FAM83B: variants seen among roughly 807,000 people sequenced by gnomAD.
FAM83B encodes scaffolding CK1 anchoring protein B.
A neutral mutation model predicts 38.8 loss-of-function variants in FAM83B; 26 were observed. The observed-to-expected ratio is 0.67, with a 90% confidence interval of 0.49 to 0.93. FAM83B has a LOEUF of 0.93. Ranked by LOEUF, FAM83B falls within the 40% of genes least tolerant of loss-of-function variation. The probability of loss-of-function intolerance (pLI) is 0.00; values close to 1 mark genes in which losing one functional copy is unlikely to be tolerated. For synonymous variants in FAM83B, 419 were observed against 423.1 expected, an observed-to-expected ratio of 0.99 and a Z score of 0.12; for missense variants, 1,237 against 1,197.3, an observed-to-expected ratio of 1.03 and a Z score of -0.49.
rs537383276 is a variant in FAM83B, at chr6:54,852,283, C to T, written c.-61+5457C>T. Among the ~76,000 whole-genome samples the T allele has an allele frequency of 3.9e-5, 6 of 152,312 alleles. No homozygotes were observed. In the South Asian group the frequency reaches 1.2e-3, roughly 32 times the overall value. ...AGCAAGTCTGTCAGTGCCATTTTTC[C>T]AACAGCACATGCTCACTTTGTGTCT... On this transcript the variant is annotated intron_variant, in intron 1 of 4. Coordinates refer to ENST00000306858, the MANE Select transcript of FAM83B (RefSeq NM_001010872.3).
intron 2 of FAM83B, among the ~76,000 whole-genome samples, chr6:54,876,788 C>A (rs1205569112): frequency 6.6e-6 from 1 of 151,842 alleles, no homozygotes; most frequent in African/African-American, 2.4e-5. Context: ...TGTGTATAGT[C>A]CTCTGAGCTT....
At chr6:54,861,098 T>G (rs1771571705) in intron 1 of FAM83B, among the ~76,000 whole-genome samples, 1 of 152,224 alleles carries the variant, frequency 6.6e-6, no homozygotes, top group Non-Finnish European at 1.5e-5. Context: ...TTAAAATTTA[T>G]TTTTTAGTAG....
chr6:54,880,162 A>G (rs1030014125), intron 2 of FAM83B, among the ~76,000 whole-genome samples: 2 of 152,234 alleles, frequency 1.3e-5, no homozygotes, highest in African/African-American at 4.8e-5. Context: ...GGAAAAGCCC[A>G]CTTCAAGTGA....
At chr6:54,916,692 C>T (rs1773047177) in intron 2 of FAM83B, among the ~76,000 whole-genome samples, 1 of 152,114 alleles carries the variant, frequency 6.6e-6, no homozygotes, top group Non-Finnish European at 1.5e-5. Context: ...ACCAAATATA[C>T]CTAGCCAATA....
chr6:54,933,951 C>T (rs1773476721), intron 4 of FAM83B, among the ~76,000 whole-genome samples: 1 of 152,046 alleles, frequency 6.6e-6, no homozygotes, highest in African/African-American at 2.4e-5. Context: ...CATGCTGTAC[C>T]ATATGGGGGA....
chr6:54,901,274 CAG>C (rs778114088), intron 2 of FAM83B, among the ~76,000 whole-genome samples: 1 of 152,090 alleles, frequency 6.6e-6, no homozygotes, highest in Non-Finnish European at 1.5e-5. Flanking sequence ...TCCAGTGGGA[CAG>C]GGGAATTTGG....
chr6:54,866,272 TTGAGA>T (rs1337257728), intron 1 of FAM83B, among the ~76,000 whole-genome samples: 1 of 152,000 alleles, frequency 6.6e-6, no homozygotes, highest in Non-Finnish European at 1.5e-5. Context: ...ACTTTTTATT[TTGAGA>T]TAATTGTGGT....
At chr6:54,868,193 G>A (rs1771763898) in intron 1 of FAM83B, among the ~76,000 whole-genome samples, 1 of 152,160 alleles carries the variant, frequency 6.6e-6, no homozygotes, top group South Asian at 2.1e-4. Context: ...GCAACTTTAT[G>A]AAGATTTGTC....
At chr6:54,930,946 G>A (rs900592441) in intron 4 of FAM83B, among the ~76,000 whole-genome samples, 5 of 151,906 alleles carry the variant, frequency 3.3e-5, no homozygotes, top group African/African-American at 9.7e-5. Flanking sequence ...ACCTATAAAC[G>A]TCCCTCTTAA....
At chr6:54,926,667 T>C (rs1471109762) in intron 3 of FAM83B, 132 bp downstream of exon 3, 15 of 620,914 alleles carry the variant, frequency 2.4e-5, no homozygotes, top group Non-Finnish European at 3.4e-5. Flanking sequence ...GGTTATGGAA[T>C]GATTGATCAC....
In FAM83B at chr6:54,940,703, A is replaced by G. The variant is rs772700095; in HGVS notation, c.1732A>G (p.Lys578Glu). The G allele has an allele frequency of 4.3e-6, 7 of 1,613,900 alleles. No homozygotes were observed. In the African/African-American group the frequency reaches 9.3e-5, roughly 22 times the overall value. ...IIGSQGSETP[K>E]EVPDTPTNVQ... ...TGGTTCTCAGGGAAGTGAGACACCT[A>G]AAGAGGTCCCAGACACCCCTACGAA... The change falls in exon 5 of 5, where the codon AAA becomes GAA. Residue 578 changes from lysine to glutamate, a missense_variant. Physicochemically the swap from Lys to Glu is moderately conservative, Grantham distance 56. Coordinates refer to ENST00000306858, the MANE Select transcript of FAM83B (RefSeq NM_001010872.3).
rs1235397712 is a variant in FAM83B, at chr6:54,923,356, A to AT, written c.445-3014dup. Among the ~76,000 whole-genome samples, 14 of 152,120 alleles carry AT rather than the reference A, an allele frequency of 9.2e-5. 3 individuals carry two copies. Among genetic ancestry groups the AT allele is most frequent in the African/African-American group, 3.4e-4 (14 of 41,538 alleles). ...ATATCAAACTTAAAGCCCATGATCAATCATTTCAGCCACTCCATATTATAT... is the reference window on the plus strand; with the variant it reads ...ATATCAAACTTAAAGCCCATGATCAATTCATTTCAGCCACTCCATATTATAT... On this transcript the variant is annotated intron_variant, in intron 2 of 4. Transcript: ENST00000306858.
At chr6:54,872,087 T>C (rs181933565) in intron 2 of FAM83B, among the ~76,000 whole-genome samples, 209 of 152,294 alleles carry the variant, frequency 1.4e-3, no homozygotes, top group Middle Eastern at 3.4e-3. Flanking sequence ...GTAATTTTTT[T>C]CCCTAAACCT....
chr6:54,904,132 TGTTAA>T (rs1772724649), intron 2 of FAM83B, among the ~76,000 whole-genome samples: 2 of 152,104 alleles, frequency 1.3e-5, no homozygotes, highest in African/African-American at 4.8e-5. Flanking sequence ...ATTGCTCAAT[TGTTAA>T]GTTATGAGTC....
rs1561934815 is a variant in FAM83B at position 54,942,732 on chromosome 6, T to TTTTTTTTTTTTTTTTTTTG, written c.*725_*726insTTTTTTTTTTTTTTTTTTG. 2.0e-5 allele frequency among the ~76,000 whole-genome samples: 3 copies of TTTTTTTTTTTTTTTTTTTG among 151,756 alleles called. No individual in the cohort carries two copies. The highest frequency in any genetic ancestry group is 6.6e-5 in the Admixed American group (1 of 15,236). Reference sequence around the variant, plus strand: ...TTACCCATAGGCTGCTGATTTTTTATAGTCATTCCTTACTTCACATTTAGG... The same window carrying TTTTTTTTTTTTTTTTTTTG: ...TTACCCATAGGCTGCTGATTTTTTATTTTTTTTTTTTTTTTTTTGAGTCATTCCTTACTTCACATTTAGG... On this transcript the variant is annotated 3_prime_UTR_variant, in exon 5 of 5. Coordinates refer to ENST00000306858, the MANE Select transcript of FAM83B (RefSeq NM_001010872.3).
In FAM83B at chr6:54,942,730, T is replaced by TTTTTTTTTTTTTTTTTTTTTGAGACGG. The variant is rs1561934810; in HGVS notation, c.*723_*724insTTTTTTTTTTTTTTTTTTTTGAGACGG. Among the ~76,000 whole-genome samples, 1 of 151,864 alleles carries TTTTTTTTTTTTTTTTTTTTTGAGACGG rather than the reference T, an allele frequency of 6.6e-6. No homozygotes were observed. Among genetic ancestry groups the TTTTTTTTTTTTTTTTTTTTTGAGACGG allele is most frequent in the African/African-American group, 2.4e-5 (1 of 41,190 alleles). ...TCTTACCCATAGGCTGCTGATTTTTTATAGTCATTCCTTACTTCACATTTA... is the reference window on the plus strand; with the variant it reads ...TCTTACCCATAGGCTGCTGATTTTTTTTTTTTTTTTTTTTTTTTTTGAGACGGATAGTCATTCCTTACTTCACATTTA... On this transcript the variant is annotated 3_prime_UTR_variant, in exon 5 of 5. Coordinates refer to ENST00000306858, the MANE Select transcript of FAM83B (RefSeq NM_001010872.3).
rs1031950783 is a variant in FAM83B, at chr6:54,943,291, G to A, written c.*1284G>A. ...TGGGCTAGTTCTTCCATGATTTGAG[G>A]ATGATATTCAGATTATAAGATACCC... On this transcript the variant is annotated 3_prime_UTR_variant, in exon 5 of 5. Transcript: ENST00000306858. 1 of 152,234 alleles carries A rather than the reference G, an allele frequency of 6.6e-6. No individual in the cohort carries two copies. Among genetic ancestry groups the A allele is most frequent in the Admixed American group, 6.5e-5 (1 of 15,288 alleles). The allele number at this position is 152,234 out of a possible 1,614,324, so 9.4% of individuals were successfully genotyped here.
chr6:54,907,201 G>A (rs1220724117), intron 2 of FAM83B, among the ~76,000 whole-genome samples: 1 of 152,082 alleles, frequency 6.6e-6, no homozygotes, highest in Non-Finnish European at 1.5e-5. Context: ...CTTTAGGATA[G>A]AAAAGCTATT....
At chr6:54,880,223 T>C (rs1292790802) in intron 2 of FAM83B, among the ~76,000 whole-genome samples, 3 of 152,188 alleles carry the variant, frequency 2.0e-5, no homozygotes, top group African/African-American at 7.2e-5. Flanking sequence ...AGGAAATATA[T>C]AGGTAAAATC....
Sources: gnomAD v4.1 joint callset for allele counts (sites outside exome capture counted in the v4.1 genomes callset) on GRCh38, gnomAD v4.1.1 for gene constraint, MANE v1.5 for transcripts, NCBI Gene and HGNC (gene_info 2026-07-23, HGNC 2026-07-21) for gene names.